RSU1: variants seen among roughly 807,000 people sequenced by gnomAD.
The protein encoded by RSU1 is Ras suppressor protein 1.
In RSU1, 26 loss-of-function variants were observed where a neutral mutation model predicts 31.1. The ratio of observed to expected loss-of-function variants is 0.84; its 90% CI spans 0.61 to 1.16. The LOEUF is 1.16. Among genes scored for constraint, RSU1 ranks in the 50% most tolerant of loss-of-function variants. The pLI is 0.00. For missense variants in RSU1, 320 were observed against 339.1 expected, an observed-to-expected ratio of 0.94 and a Z score of 0.44; for synonymous variants, 164 against 136.3, an observed-to-expected ratio of 1.20 and a Z score of -1.41.
chr10:16,670,073 G>C (rs994148328), intron 8 of RSU1, among the ~76,000 whole-genome samples: 5 of 152,172 alleles, frequency 3.3e-5, no homozygotes, highest in Non-Finnish European at 7.3e-5. Flanking sequence ...AGATAAAGCA[G>C]TTTCTACTCA....
intron 5 of RSU1, 33 bp downstream of exon 5, chr10:16,754,838 T>C (rs1837051190): frequency 7.4e-7 from 1 of 1,355,860 alleles, no homozygotes; most frequent in Non-Finnish European, 1.1e-6. Flanking sequence ...AAGTACAAGG[T>C]TGAGGAGATT....
Position 16,591,476 on chromosome 10 carries a change from G to A in RSU1, c.*1918C>T, listed in dbSNP as rs916813879. The A allele has an allele frequency of 1.3e-5, 2 of 152,132 alleles. No individual in the cohort carries two copies. Among genetic ancestry groups the A allele is most frequent in the African/African-American group, 2.4e-5 (1 of 41,426 alleles). The allele number at this position is 152,132 out of a possible 1,614,324, so 9.4% of individuals were successfully genotyped here. On this transcript the variant is annotated 3_prime_UTR_variant, in exon 9 of 9. Transcript: ENST00000345264. ...CAAACTGCTACGGCCTTTCTGGAGCGAAATTTATATTCCCAGTAGCCATGT... is the reference window on the plus strand; with the variant it reads ...CAAACTGCTACGGCCTTTCTGGAGCAAAATTTATATTCCCAGTAGCCATGT...
intron 2 of RSU1, among the ~76,000 whole-genome samples, chr10:16,811,772 G>A (rs1261145859): frequency 1.3e-5 from 2 of 152,234 alleles, no homozygotes; most frequent in Admixed American, 6.5e-5. Flanking sequence ...CCTGCAGGAA[G>A]GAGACAGAGT....
intron 8 of RSU1, among the ~76,000 whole-genome samples, chr10:16,653,255 A>G (rs2131516978): frequency 6.6e-6 from 1 of 152,332 alleles, no homozygotes; most frequent in African/African-American, 2.4e-5. Context: ...TATTAACACT[A>G]TCTCCATTTT....
At chr10:16,740,183 C>T (rs1184288488) in intron 7 of RSU1, among the ~76,000 whole-genome samples, 1 of 152,064 alleles carries the variant, frequency 6.6e-6, no homozygotes, top group Non-Finnish European at 1.5e-5. Flanking sequence ...TAATATCCCT[C>T]ATGAACGTGG....
chr10:16,718,964 G>T (rs1323421015), intron 7 of RSU1, among the ~76,000 whole-genome samples: 1 of 143,708 alleles, frequency 7.0e-6, no homozygotes, highest in Non-Finnish European at 1.5e-5. Context: ...CTGGGCAACA[G>T]AGAGTGAAAC....
At chr10:16,728,727 T>C (rs1836445634) in intron 7 of RSU1, among the ~76,000 whole-genome samples, 1 of 152,078 alleles carries the variant, frequency 6.6e-6, no homozygotes, top group South Asian at 2.1e-4. Context: ...ATTGCAGTGG[T>C]GCTTATAAGA....
At chr10:16,757,047 T>G (rs75018304) in intron 4 of RSU1, among the ~76,000 whole-genome samples, 4,339 of 149,756 alleles carry the variant, frequency 0.029, 212 homozygotes, top group African/African-American at 0.1. Context: ...GTGGTGTGTG[T>G]GTGGGTGTGT....
chr10:16,682,130 C>T (rs1189788325), intron 8 of RSU1, among the ~76,000 whole-genome samples: 3 of 152,130 alleles, frequency 2.0e-5, no homozygotes, highest in Admixed American at 6.5e-5. Context: ...AGACAAAAAT[C>T]ATGAAGGCTG....
At chr10:16,796,740 G>A (rs1838044240) in intron 2 of RSU1, among the ~76,000 whole-genome samples, 1 of 152,070 alleles carries the variant, frequency 6.6e-6, no homozygotes, top group East Asian at 1.9e-4. Flanking sequence ...GAAACGTGGA[G>A]GCAGCATGGC....
intron 8 of RSU1, among the ~76,000 whole-genome samples, chr10:16,670,771 C>T (rs1328136622): frequency 6.6e-6 from 1 of 152,122 alleles, no homozygotes; most frequent in African/African-American, 2.4e-5. Flanking sequence ...CGCCACAGAA[C>T]CTCTTTTTTT....
intron 8 of RSU1, among the ~76,000 whole-genome samples, chr10:16,654,978 C>T (rs376822137): frequency 7.5e-4 from 111 of 147,176 alleles, no homozygotes; most frequent in African/African-American, 2.7e-3. Flanking sequence ...GTGGGAGGAT[C>T]ACTTGAGCCC....
rs201088417 is a variant in RSU1, at chr10:16,738,282, T to TA, written c.598+14256dup. 8.8e-4 allele frequency among the ~76,000 whole-genome samples: 130 copies of TA among 148,544 alleles called. 1 individual carries two copies. The highest frequency in any genetic ancestry group is 7.5e-3 in the East Asian group (38 of 5,086). ...TAACAGAGTGAAACTCCGTCTCTAC[T>TA]AAAAAAAAAATACAAAAAATTAGCT... On this transcript the variant is annotated intron_variant, in intron 7 of 8. Transcript: ENST00000345264.
intron 7 of RSU1, among the ~76,000 whole-genome samples, chr10:16,746,791 T>A (rs1248571442): frequency 6.6e-6 from 1 of 151,550 alleles, no homozygotes; most frequent in Non-Finnish European, 1.5e-5. Flanking sequence ...AATTAATTCT[T>A]CTAAGAAATA....
chr10:16,748,400 C>T (rs1228678935), intron 7 of RSU1: 1 of 152,214 alleles, frequency 6.6e-6, no homozygotes, highest in African/African-American at 2.4e-5. Flanking sequence ...GACCCTCCTT[C>T]CTCTGTCTTA....
intron 7 of RSU1, among the ~76,000 whole-genome samples, chr10:16,750,563 T>C (rs778356064): frequency 6.6e-6 from 1 of 152,150 alleles, no homozygotes; most frequent in Non-Finnish European, 1.5e-5. Flanking sequence ...TTGTGGCAAA[T>C]TACTGTCTGA....
At chr10:16,662,315 G>A (rs10795410) in intron 8 of RSU1, among the ~76,000 whole-genome samples, 49,659 of 152,052 alleles carry the variant, frequency 0.33, 8,245 homozygotes, top group African/African-American at 0.37. Flanking sequence ...AGAAATACTG[G>A]TAAATTTTTT....
intron 7 of RSU1, chr10:16,727,214 C>A (rs74922967): frequency 2.0e-5 from 9 of 447,334 alleles, no homozygotes; most frequent in Admixed American, 1.9e-4. Context: ...GAAAGAGTGA[C>A]GATGTTCCGC....
At chr10:16,612,585 G>A (rs12249678) in intron 8 of RSU1, among the ~76,000 whole-genome samples, 20,216 of 152,204 alleles carry the variant, frequency 0.13, 1,380 homozygotes, top group Non-Finnish European at 0.16. Context: ...ACCATATTAC[G>A]TAAGAGTCAA....
Sources: allele counts gnomAD v4.1 joint callset (sites outside exome capture counted in the v4.1 genomes callset), GRCh38; gene constraint gnomAD v4.1.1; transcripts MANE v1.5; gene names NCBI Gene and HGNC (gene_info 2026-07-23, HGNC 2026-07-21).